PTPRD: variants seen among roughly 807,000 people sequenced by gnomAD.
PTPRD encodes receptor-type tyrosine-protein phosphatase delta.
A neutral mutation model predicts 214.5 loss-of-function variants in PTPRD; 34 were observed. The observed-to-expected ratio is 0.16, with a 90% CI of 0.12 to 0.21. PTPRD has a LOEUF of 0.21. Among genes scored for constraint, PTPRD ranks in the 10% least tolerant of loss-of-function variants. The probability of loss-of-function intolerance (pLI) is 1.00; values close to 1 mark genes in which losing one functional copy is unlikely to be tolerated. For synonymous variants in PTPRD, 1,128 were observed against 845.7 expected (o/e 1.33, Z -5.79); for missense variants, 2,545 against 2,398.7 (o/e 1.06, Z -1.27).
At chr9:8,888,296 G>A (rs1203587117) in intron 11 of PTPRD, among the ~76,000 whole-genome samples, 1 of 152,032 alleles carries the variant, frequency 6.6e-6, no homozygotes, top group African/African-American at 2.4e-5. Flanking sequence ...CATTTACATG[G>A]CTATTTATAG....
intron 3 of PTPRD, among the ~76,000 whole-genome samples, chr9:10,168,679 A>C (rs2099175614): frequency 1.3e-5 from 2 of 152,236 alleles, no homozygotes; most frequent in Non-Finnish European, 2.9e-5. Flanking sequence ...AGTATTTATT[A>C]AAAGAAAATA....
chr9:9,595,331 T>A (rs917523557), intron 7 of PTPRD, among the ~76,000 whole-genome samples: 4 of 80,544 alleles, frequency 5.0e-5, no homozygotes, highest in African/African-American at 1.2e-4. Context: ...TTTATATATA[T>A]AATATATATT....
chr9:8,902,020 G>A (rs993040499), intron 11 of PTPRD, among the ~76,000 whole-genome samples: 2 of 152,074 alleles, frequency 1.3e-5, no homozygotes, highest in Non-Finnish European at 2.9e-5. Context: ...GTTCCAGTCA[G>A]CCTTTTTCTA....
At chr9:10,193,582 C>A (rs1217008374) in intron 3 of PTPRD, among the ~76,000 whole-genome samples, 4 of 152,160 alleles carry the variant, frequency 2.6e-5, no homozygotes, top group South Asian at 4.2e-4. Context: ...GAGGGTTGTT[C>A]CCAGTTTTAA....
At chr9:9,786,386 G>C (rs893964701) in intron 5 of PTPRD, among the ~76,000 whole-genome samples, 1 of 152,160 alleles carries the variant, frequency 6.6e-6, no homozygotes. Flanking sequence ...AGAGTATCAA[G>C]AACCTGAAGA....
chr9:8,516,202 A>G (rs2097777959), intron 21 of PTPRD, among the ~76,000 whole-genome samples: 1 of 152,216 alleles, frequency 6.6e-6, no homozygotes, highest in African/African-American at 2.4e-5. Flanking sequence ...ACGGATGTCT[A>G]CATTTCCCAA....
At chr9:8,468,019 T>C (rs1195610085) in intron 31 of PTPRD, among the ~76,000 whole-genome samples, 2 of 152,050 alleles carry the variant, frequency 1.3e-5, no homozygotes, top group African/African-American at 2.4e-5. Context: ...GTTTTATTCA[T>C]ACTGCAGATG....
At chr9:8,805,115 T>C (rs1023830047) in intron 11 of PTPRD, among the ~76,000 whole-genome samples, 1 of 152,118 alleles carries the variant, frequency 6.6e-6, no homozygotes, top group Non-Finnish European at 1.5e-5. Flanking sequence ...ACCTCACAGA[T>C]AGTATCTGGA....
At chr9:10,359,840 T>C (rs1453823176) in intron 2 of PTPRD, among the ~76,000 whole-genome samples, 1 of 152,166 alleles carries the variant, frequency 6.6e-6, no homozygotes, top group African/African-American at 2.4e-5. Flanking sequence ...TGATATGGTT[T>C]TAAAAGTTGA....
chr9:10,255,447 T>C (rs978725123), intron 3 of PTPRD, among the ~76,000 whole-genome samples: 9 of 152,116 alleles, frequency 5.9e-5, no homozygotes, highest in Non-Finnish European at 1.3e-4. Context: ...ACAATATAAA[T>C]ACAGTATAAA....
chr9:9,771,919 T>A (rs2098755077), intron 5 of PTPRD, among the ~76,000 whole-genome samples: 1 of 152,190 alleles, frequency 6.6e-6, no homozygotes, highest in African/African-American at 2.4e-5. Context: ...GATGCCATAA[T>A]AATTAGTGAA....
intron 3 of PTPRD, among the ~76,000 whole-genome samples, chr9:10,302,859 G>T (rs534361457): frequency 6.6e-6 from 1 of 152,040 alleles, no homozygotes; most frequent in Non-Finnish European, 1.5e-5. Context: ...GATCAAGACA[G>T]AAAATTAACA....
intron 3 of PTPRD, among the ~76,000 whole-genome samples, chr9:10,219,217 C>A (rs2154347614): frequency 6.6e-6 from 1 of 151,736 alleles, no homozygotes; most frequent in Admixed American, 6.6e-5. Flanking sequence ...TAAATCAAAC[C>A]CTCAATAGCA....
intron 2 of PTPRD, among the ~76,000 whole-genome samples, chr9:10,561,698 C>A (rs2064016307): frequency 6.6e-6 from 1 of 152,092 alleles, no homozygotes; most frequent in African/African-American, 2.4e-5. Context: ...ATCTTTCTAT[C>A]CTCAGAAGGT....
At chr9:8,373,763 C>A (rs1467468533) in intron 39 of PTPRD, among the ~76,000 whole-genome samples, 4 of 151,290 alleles carry the variant, frequency 2.6e-5, no homozygotes, top group Admixed American at 2.6e-4. Flanking sequence ...GAAACCCATA[C>A]CTTGCTTATA....
rs548917917 is a variant in PTPRD, at chr9:10,032,242, C to T, written c.-472+1476G>A. On this transcript the variant is annotated intron_variant, in intron 4 of 45. Transcript: ENST00000381196. ...TTCTTACTATAGCCATTTAATTTTCCCCTTTTCTCTTCATAGTGTAACATC... is the reference window on the plus strand; with the variant it reads ...TTCTTACTATAGCCATTTAATTTTCTCCTTTTCTCTTCATAGTGTAACATC... Among the ~76,000 whole-genome samples, 8 of 152,152 alleles carry T rather than the reference C, an allele frequency of 5.3e-5. No individual in the cohort carries two copies. The South Asian group carries it at 1.5e-3, about 28-fold the overall frequency.
At chr9:9,896,323 A>G (rs2074968850) in intron 5 of PTPRD, among the ~76,000 whole-genome samples, 1 of 152,096 alleles carries the variant, frequency 6.6e-6, no homozygotes, top group South Asian at 2.1e-4. Context: ...AAAGATTAAG[A>G]TTCAGCTAGA....
At chr9:9,960,797 T>C (rs1456938955) in intron 4 of PTPRD, among the ~76,000 whole-genome samples, 2 of 152,102 alleles carry the variant, frequency 1.3e-5, no homozygotes, top group Non-Finnish European at 2.9e-5. Flanking sequence ...CATGAACATT[T>C]ATTAAAAACA....
Position 10,327,181 on chromosome 9 carries a change from A to G in PTPRD, c.-545+13782T>C, listed in dbSNP as rs772735849. On this transcript the variant is annotated intron_variant, in intron 3 of 45. Coordinates refer to ENST00000381196, the MANE Select transcript of PTPRD (RefSeq NM_002839.4). ...CACATATATGTGTGTGTATATATAT[A>G]TATATATATATATATATGATAGCAT... Among the ~76,000 whole-genome samples, 269 of 148,238 alleles carry G rather than the reference A, an allele frequency of 1.8e-3. 4 individuals carry two copies. Among genetic ancestry groups the G allele is most frequent in the South Asian group, 0.011 (54 of 4,780 alleles).
Sources: gnomAD v4.1 joint callset for allele counts (sites outside exome capture counted in the v4.1 genomes callset) on GRCh38, gnomAD v4.1.1 for gene constraint, MANE v1.5 for transcripts, NCBI Gene and HGNC (gene_info 2026-07-23, HGNC 2026-07-21) for gene names.